MAP2: variants seen among roughly 807,000 people sequenced by gnomAD.
MAP2 encodes microtubule associated protein 2.
Under a neutral mutation model 137.6 loss-of-function variants are expected in MAP2, and 14 were observed. The observed-to-expected ratio is 0.10, with a 90% CI of 0.07 to 0.16. MAP2 has a LOEUF of 0.16. Ranked by LOEUF, MAP2 falls within the 10% of genes least tolerant of loss-of-function variation. The probability of loss-of-function intolerance (pLI) is 1.00; values close to 1 mark genes in which losing one functional copy is unlikely to be tolerated. For missense variants in MAP2, 2,088 were observed against 2,191.5 expected (o/e 0.95, Z 0.94); for synonymous variants, 786 against 782.3 (o/e 1.00, Z -0.08).
chr2:209,730,594 C>T lies in MAP2; in HGVS notation c.*197C>T, dbSNP rs897158834. On this transcript the variant is annotated 3_prime_UTR_variant, in exon 16 of 16. Transcript: ENST00000682079. The stretch of plus-strand genomic sequence containing the variant: ...AAATTGACCTGATTTCCATTTGCAA[C>T]AGGAAGACACTGGCTTTACATGGGT... 6.8e-5 allele frequency: 39 copies of T among 573,686 alleles called. No homozygotes were observed. The Middle Eastern group carries it at 1.9e-3, about 27-fold the overall frequency. The allele number at this position is 573,686 out of a possible 1,614,324, so 35.5% of individuals were successfully genotyped here.
chr2:209,504,132 T>C (rs1238841877), intron 1 of MAP2, among the ~76,000 whole-genome samples: 2 of 150,970 alleles, frequency 1.3e-5, no homozygotes, highest in Non-Finnish European at 3.0e-5. Flanking sequence ...CTAAGCAAGA[T>C]TTTTCTTGGA....
At chr2:209,569,832 C>G (rs16843132) in intron 2 of MAP2, among the ~76,000 whole-genome samples, 12 of 151,638 alleles carry the variant, frequency 7.9e-5, no homozygotes, top group Non-Finnish European at 1.3e-4. Flanking sequence ...TGTTAAGATA[C>G]GTACTTTACT....
rs748472517 is a variant in MAP2, at chr2:209,693,223, A to G, written c.1053A>G (p.Lys351=). 36 of 1,613,786 alleles carry G rather than the reference A, an allele frequency of 2.2e-5. No homozygotes were observed. The East Asian group carries it at 6.0e-4, about 27-fold the overall frequency. ...APAFLQPDDK[K]SLQQTSGPAT... is the part of the protein sequence containing the mutation. ...CCTTTTTACAGCCAGATGACAAAAAATCTCTGCAACAAACCAGTGGCCCAG... is the reference window on the plus strand; with the variant it reads ...CCTTTTTACAGCCAGATGACAAAAAGTCTCTGCAACAAACCAGTGGCCCAG... The change falls in exon 8 of 16, where the codon AAA becomes AAG. Residue 351 remains lysine (K), a synonymous_variant. Transcript: ENST00000682079.
chr2:209,532,240 G>GAAA (rs796126529), intron 2 of MAP2, among the ~76,000 whole-genome samples: 3 of 72,690 alleles, frequency 4.1e-5, no homozygotes, highest in Non-Finnish European at 9.1e-5. Context: ...CCAGTCTCAG[G>GAAA]AAAAAAAAAA....
chr2:209,486,763 G>C (rs1185876915), intron 1 of MAP2, among the ~76,000 whole-genome samples: 1 of 152,160 alleles, frequency 6.6e-6, no homozygotes, highest in East Asian at 1.9e-4. Flanking sequence ...GTTGATTTAA[G>C]CTATTTTCAT....
At chr2:209,691,140 C>T (rs1018123378) in intron 7 of MAP2, among the ~76,000 whole-genome samples, 9 of 147,334 alleles carry the variant, frequency 6.1e-5, no homozygotes, top group Non-Finnish European at 8.9e-5. Flanking sequence ...TTTTTTTACC[C>T]GCCCCCCCTC....
chr2:209,613,719 G>A (rs112641034), intron 3 of MAP2, among the ~76,000 whole-genome samples: 2,755 of 152,256 alleles, frequency 0.018, 45 homozygotes, highest in Non-Finnish European at 0.027. Context: ...ACATTTTGAA[G>A]TCTGTCAACT....
rs117474567 is a variant in MAP2 at position 209,454,106 on chromosome 2, G to A, written c.-222+29830G>A. 2.3e-3 allele frequency among the ~76,000 whole-genome samples: 287 copies of A among 127,402 alleles called. 6 individuals are homozygous for A. The East Asian group carries it at 0.033, about 14-fold the overall frequency. The allele number at this position is 127,402 out of a possible 152,430, so 83.6% of individuals were successfully genotyped here. A position where few individuals can be genotyped will look rare whatever the true frequency, so the allele number is the denominator to read the frequency against. On this transcript the variant is annotated intron_variant, in intron 1 of 15. Transcript: ENST00000682079. ...GCGGAGCTTGCAGTGAGCCTAGATC[G>A]CGCTCTGCACTCCATCCCGGGCAAC... is the stretch of plus-strand genomic sequence containing the variant.
chr2:209,464,873 A>G (rs1002630181), intron 1 of MAP2, among the ~76,000 whole-genome samples: 1 of 152,148 alleles, frequency 6.6e-6, no homozygotes, highest in Non-Finnish European at 1.5e-5. Context: ...TTTTATTGTT[A>G]GTGTAATTAT....
intron 4 of MAP2, among the ~76,000 whole-genome samples, chr2:209,645,581 G>A (rs1220985050): frequency 6.6e-6 from 1 of 152,050 alleles, no homozygotes; most frequent in Non-Finnish European, 1.5e-5. Flanking sequence ...GGAAAATATT[G>A]TTGCCTATTT....
intron 3 of MAP2, among the ~76,000 whole-genome samples, chr2:209,619,490 T>C (rs997198168): frequency 1.3e-5 from 2 of 152,138 alleles, no homozygotes; most frequent in Non-Finnish European, 2.9e-5. Flanking sequence ...TGTCAAGTAG[T>C]GTTACATTTC....
rs1266392795 is a variant in MAP2 at position 209,696,320 on chromosome 2, G to T, written c.4150G>T (p.Asp1384Tyr). ...GACCACCATTGACGACTCCATCATGGACGCTGACAGCCTCTGGGTGGACAC... is the reference window on the plus strand; with the variant it reads ...GACCACCATTGACGACTCCATCATGTACGCTGACAGCCTCTGGGTGGACAC... ...DETTIDDSIMDADSLWVDTQD... is the reference protein window; with the variant it reads ...DETTIDDSIMYADSLWVDTQD... Residue 1384 changes from aspartate to tyrosine, a missense_variant, in exon 8 of 16, where the codon GAC becomes TAC. Asp to Tyr is a radical substitution (Grantham distance 160). Transcript: ENST00000682079. 6.4e-7 allele frequency: 1 copy of T among 1,569,838 alleles called. No homozygotes were observed. Among genetic ancestry groups the T allele is most frequent in the South Asian group, 1.2e-5 (1 of 82,246 alleles).
intron 4 of MAP2, among the ~76,000 whole-genome samples, chr2:209,647,706 G>A (rs2094504049): frequency 6.6e-6 from 1 of 152,064 alleles, no homozygotes; most frequent in African/African-American, 2.4e-5. Context: ...TATTCAGAGT[G>A]CAGCAGTGAT....
At chr2:209,690,373 G>A (rs1267529390) in intron 7 of MAP2, among the ~76,000 whole-genome samples, 1 of 152,000 alleles carries the variant, frequency 6.6e-6, no homozygotes, top group African/African-American at 2.4e-5. Context: ...CTTTTAATGA[G>A]ACTTTAAAAG....
intron 3 of MAP2, among the ~76,000 whole-genome samples, chr2:209,593,899 T>A (rs1448663394): frequency 4.8e-5 from 1 of 20,864 alleles, no homozygotes; most frequent in Non-Finnish European, 1.6e-4. Context: ...ATTATTAAAA[T>A]ATATAAGTAT....
At chr2:209,504,622 C>T (rs1395951220) in intron 1 of MAP2, among the ~76,000 whole-genome samples, 2 of 152,104 alleles carry the variant, frequency 1.3e-5, no homozygotes, top group Non-Finnish European at 2.9e-5. Context: ...CATGCAAGAT[C>T]CTAGGATAAC....
rs570158906 is a variant in MAP2, at chr2:209,505,330, A to G, written c.-221-2262A>G. Among the ~76,000 whole-genome samples, 233 of 152,256 alleles carry G rather than the reference A, an allele frequency of 1.5e-3. 1 individual carries two copies. The highest frequency in any genetic ancestry group is 3.5e-3 in the South Asian group (17 of 4,826). On this transcript the variant is annotated intron_variant, in intron 1 of 15. Transcript: ENST00000682079. ...ATACACATAAATTGAAAGCAAATCT[A>G]TTTTTATTTTATGCTTAGAAACCCA...
rs1306181277 is a variant in MAP2 at position 209,732,594 on chromosome 2, T to C, written c.*2197T>C. ...TAGGGTATTTTATTACATGTTTTCA[T>C]AGTCTTAAATAGTGATTAAATTTCT... On this transcript the variant is annotated 3_prime_UTR_variant, in exon 16 of 16. Coordinates refer to ENST00000682079, the MANE Select transcript of MAP2 (RefSeq NM_001375505.1). The C allele has an allele frequency of 6.6e-6, 1 of 152,466 alleles. No individual in the cohort carries two copies. Among genetic ancestry groups the C allele is most frequent in the East Asian group, 1.9e-4 (1 of 5,196 alleles). The allele number at this position is 152,466 out of a possible 1,614,324, so 9.4% of individuals were successfully genotyped here.
At chr2:209,482,719 G>A (rs1205141305) in intron 1 of MAP2, among the ~76,000 whole-genome samples, 1 of 152,102 alleles carries the variant, frequency 6.6e-6, no homozygotes, top group East Asian at 1.9e-4. Flanking sequence ...AACACTAACT[G>A]ATAGAAAAAA....
Sources: gnomAD v4.1 joint callset for allele counts (sites outside exome capture counted in the v4.1 genomes callset) on GRCh38, gnomAD v4.1.1 for gene constraint, MANE v1.5 for transcripts, NCBI Gene and HGNC (gene_info 2026-07-23, HGNC 2026-07-21) for gene names.